The following PREP variants were observed in gnomAD, a reference collection of about 807,000 sequenced individuals.
The protein encoded by PREP is dJ355L5.1 (prolyl endopeptidase).
Under a neutral mutation model 87.6 loss-of-function variants are expected in PREP, and 29 were observed. The observed-to-expected ratio is 0.33, with a 90% CI of 0.25 to 0.45. The LOEUF is 0.45. Among genes scored for constraint, PREP ranks in the 20% least tolerant of loss-of-function variants. The pLI is 1.00. For missense variants in PREP, 695 were observed against 886.5 expected (o/e 0.78, Z 2.74); for synonymous variants, 337 against 328.6 (o/e 1.03, Z -0.28).
At chr6:105,379,183 A>G (rs1772771789) in intron 2 of PREP, among the ~76,000 whole-genome samples, 1 of 152,238 alleles carries the variant, frequency 6.6e-6, no homozygotes, top group South Asian at 2.1e-4. Flanking sequence ...AACTATCACT[A>G]GGGATTGGCA....
chr6:105,321,475 C>A (rs558175677), intron 10 of PREP, among the ~76,000 whole-genome samples: 1 of 152,238 alleles, frequency 6.6e-6, no homozygotes, highest in Non-Finnish European at 1.5e-5. Context: ...ACATTCCAGG[C>A]TGCTATGTAT....
intron 10 of PREP, among the ~76,000 whole-genome samples, chr6:105,292,757 A>G (rs1770326393): frequency 6.6e-6 from 1 of 152,228 alleles, no homozygotes; most frequent in Admixed American, 6.5e-5. Context: ...TGTTTAGTGT[A>G]TCCACCTTCA....
intron 9 of PREP, among the ~76,000 whole-genome samples, 185 bp from the exon 10 acceptor site, chr6:105,323,953 G>A (rs953375644): frequency 1.3e-5 from 2 of 152,236 alleles, no homozygotes; most frequent in Admixed American, 6.5e-5. Context: ...TCTGGCATGA[G>A]GGGTGCTATG....
At chr6:105,295,126 A>C (rs1770380775) in intron 10 of PREP, among the ~76,000 whole-genome samples, 1 of 150,736 alleles carries the variant, frequency 6.6e-6, no homozygotes, top group Non-Finnish European at 1.5e-5. Context: ...TTCCCACCTA[A>C]ATCAATTCAA....
intron 10 of PREP, among the ~76,000 whole-genome samples, chr6:105,314,900 C>T (rs1294633559): frequency 6.6e-6 from 1 of 152,168 alleles, no homozygotes; most frequent in Non-Finnish European, 1.5e-5. Context: ...AAAATTACTC[C>T]TTCATCCATG....
intron 14 of PREP, 110 bp downstream of exon 14, chr6:105,281,636 T>G (rs1770082636): frequency 7.5e-7 from 1 of 1,340,180 alleles, no homozygotes; most frequent in Non-Finnish European, 1.0e-6. Flanking sequence ...GCAGATTATA[T>G]GCAAATGCAA....
intron 10 of PREP, among the ~76,000 whole-genome samples, chr6:105,322,069 T>A (rs1771025816): frequency 6.6e-6 from 1 of 152,070 alleles, no homozygotes; most frequent in East Asian, 1.9e-4. Context: ...GGGACACATT[T>A]TCTACAAATT....
intron 10 of PREP, among the ~76,000 whole-genome samples, chr6:105,293,313 G>T (rs112534207): frequency 2.0e-5 from 3 of 152,118 alleles, no homozygotes; most frequent in African/African-American, 7.2e-5. Context: ...CCCAAGGAGA[G>T]GGAGTGAGAC....
chr6:105,356,508 T>C (rs1772103528), intron 6 of PREP, among the ~76,000 whole-genome samples: 4 of 152,218 alleles, frequency 2.6e-5, no homozygotes, highest in South Asian at 2.1e-4. Flanking sequence ...CTGAAACTCT[T>C]AGTGGGCAGT....
chr6:105,309,354 C>T (rs1770712562), intron 10 of PREP, among the ~76,000 whole-genome samples: 1 of 152,090 alleles, frequency 6.6e-6, no homozygotes, highest in East Asian at 1.9e-4. Context: ...TGATATAAAT[C>T]ATTCCCCAAA....
intron 12 of PREP, among the ~76,000 whole-genome samples, chr6:105,284,235 G>A (rs555025245): frequency 2.0e-5 from 3 of 152,088 alleles, no homozygotes; most frequent in Non-Finnish European, 2.9e-5. Flanking sequence ...ATGATAACTG[G>A]CAACGATGGA....
intron 10 of PREP, among the ~76,000 whole-genome samples, chr6:105,308,189 T>C (rs941916303): frequency 8.6e-5 from 13 of 151,824 alleles, no homozygotes; most frequent in African/African-American, 3.1e-4. Flanking sequence ...TTTAAAAAGA[T>C]GATGTTAAAA....
intron 2 of PREP, among the ~76,000 whole-genome samples, chr6:105,389,243 T>A (rs1333511540): frequency 6.6e-6 from 1 of 152,210 alleles, no homozygotes; most frequent in Non-Finnish European, 1.5e-5. Context: ...TTGGGTGTTG[T>A]TATAACTGGG....
rs117605731 is a variant in PREP, at chr6:105,357,530, T to A, written c.718-4453A>T. ...TCTCTTCATCACAATCTGGAGTTGC[T>A]CCATAGCCACTAAAATTTGCTAAAC... On this transcript the variant is annotated intron_variant, in intron 6 of 14. Coordinates refer to ENST00000652536, the MANE Select transcript of PREP (RefSeq NM_002726.5). Among the ~76,000 whole-genome samples the A allele has an allele frequency of 4.5e-3, 682 of 152,314 alleles. 2 individuals carry two copies. The highest frequency in any genetic ancestry group is 0.027 in the South Asian group (130 of 4,828).
chr6:105,395,002 A>G (rs1447403676), intron 2 of PREP, among the ~76,000 whole-genome samples: 2 of 152,224 alleles, frequency 1.3e-5, no homozygotes, highest in African/African-American at 2.4e-5. Flanking sequence ...CATTTCCAAC[A>G]GAAGTCATTA....
In PREP at chr6:105,368,934, G is replaced by C; in HGVS notation, c.686C>G (p.Pro229Arg). 2 of 1,614,024 alleles carry C rather than the reference G, an allele frequency of 1.2e-6. No individual in the cohort carries two copies. Among genetic ancestry groups the C allele is most frequent in the Non-Finnish European group, 1.7e-6 (2 of 1,179,958 alleles). Residue 229 changes from proline to arginine, a missense_variant, in exon 6 of 15, where the codon CCT (proline) becomes CGT (arginine). Transcript: ENST00000652536. Reference protein sequence around the residue: ...QSEDILCAEFPDEPKWMGGAE... With the variant: ...QSEDILCAEFRDEPKWMGGAE... Reference sequence around the variant, plus strand: ...TCCACCCATCCATTTAGGTTCATCAGGAAACTCAGCACACAAAATATCTTC... The same window carrying C: ...TCCACCCATCCATTTAGGTTCATCACGAAACTCAGCACACAAAATATCTTC...
intron 10 of PREP, among the ~76,000 whole-genome samples, chr6:105,293,324 A>C (rs1254938633): frequency 1.3e-5 from 2 of 152,206 alleles, no homozygotes; most frequent in African/African-American, 4.8e-5. Flanking sequence ...GGAGTGAGAC[A>C]GGAAATGGTC....
chr6:105,345,453 C>T (rs1408337318), intron 7 of PREP, among the ~76,000 whole-genome samples: 1 of 152,064 alleles, frequency 6.6e-6, no homozygotes, highest in African/African-American at 2.4e-5. Context: ...TTGTCTTATG[C>T]TTTTCCTAGA....
intron 6 of PREP, among the ~76,000 whole-genome samples, chr6:105,362,268 C>A (rs1362284498): frequency 1.3e-5 from 2 of 152,186 alleles, no homozygotes; most frequent in Non-Finnish European, 2.9e-5. Flanking sequence ...CAGGACCAGC[C>A]TGGCCAACAT....
Sources: gnomAD v4.1 joint callset for allele counts (sites outside exome capture counted in the v4.1 genomes callset) on GRCh38, gnomAD v4.1.1 for gene constraint, MANE v1.5 for transcripts, NCBI Gene and HGNC (gene_info 2026-07-23, HGNC 2026-07-21) for gene names.